RAD51B: variants seen among roughly 807,000 people sequenced by gnomAD.
The protein encoded by RAD51B is RAD51 paralog B.
Under a neutral mutation model 42.2 loss-of-function variants are expected in RAD51B, and 38 were observed. That is an observed-to-expected ratio of 0.90 (90% confidence interval 0.70 to 1.18). The LOEUF is 1.18. Ranked by LOEUF, RAD51B falls within the 50% of genes most tolerant of loss-of-function variation. The probability of loss-of-function intolerance (pLI) is 0.00; values close to 1 mark genes in which losing one functional copy is unlikely to be tolerated. For synonymous variants in RAD51B, 154 were observed against 145.2 expected (o/e 1.06, Z -0.43); for missense variants, 373 against 400.7 (o/e 0.93, Z 0.59).
chr14:68,260,151 C>A (rs1157430992), intron 7 of RAD51B, among the ~76,000 whole-genome samples: 2 of 151,898 alleles, frequency 1.3e-5, no homozygotes, highest in African/African-American at 4.8e-5. Flanking sequence ...TAGCTGAGAC[C>A]TAAGTCATGA....
chr14:68,319,364 T>G (rs567134525), intron 8 of RAD51B, among the ~76,000 whole-genome samples: 1 of 152,390 alleles, frequency 6.6e-6, no homozygotes, highest in East Asian at 1.9e-4. Context: ...TAAATTTAAC[T>G]GAGCCTTGTA....
intron 7 of RAD51B, among the ~76,000 whole-genome samples, chr14:67,917,689 G>A (rs1036592534): frequency 1.3e-5 from 2 of 152,160 alleles, no homozygotes; most frequent in Non-Finnish European, 2.9e-5. Flanking sequence ...GACGATTTGA[G>A]TATGTTATAT....
chr14:68,435,781 T>G (rs1016928102), intron 9 of RAD51B, among the ~76,000 whole-genome samples: 1 of 152,148 alleles, frequency 6.6e-6, no homozygotes, highest in African/African-American at 2.4e-5. Context: ...ATTAGTAATT[T>G]TGAGCATTTT....
intron 7 of RAD51B, among the ~76,000 whole-genome samples, chr14:67,940,996 G>T (rs570542268): frequency 2.8e-4 from 42 of 152,074 alleles, no homozygotes; most frequent in Admixed American, 5.2e-4. Context: ...TGTGGGGTTT[G>T]TTTTTTAAGC....
intron 7 of RAD51B, among the ~76,000 whole-genome samples, chr14:67,901,204 C>T (rs1427449769): frequency 6.6e-6 from 1 of 152,178 alleles, no homozygotes; most frequent in Non-Finnish European, 1.5e-5. Flanking sequence ...GGGGTTGACT[C>T]CATCTTAGTT....
chr14:67,833,022 G>A (rs2041105993), intron 3 of RAD51B, among the ~76,000 whole-genome samples: 1 of 152,282 alleles, frequency 6.6e-6, no homozygotes. Flanking sequence ...ACCAACAAAT[G>A]AAATCACCAG....
intron 10 of RAD51B, among the ~76,000 whole-genome samples, chr14:68,649,733 C>T (rs886490821): frequency 6.6e-5 from 10 of 152,274 alleles, no homozygotes; most frequent in African/African-American, 2.4e-4. Context: ...TCAGACAGGG[C>T]TGTATGGGGC....
At chr14:68,067,733 C>T (rs1022577005) in intron 7 of RAD51B, among the ~76,000 whole-genome samples, 3 of 151,148 alleles carry the variant, frequency 2.0e-5, no homozygotes, top group Middle Eastern at 3.4e-3. Context: ...AGTTTGAGAC[C>T]GTCATGGGCA....
At chr14:68,017,410 G>A (rs2075794302) in intron 7 of RAD51B, among the ~76,000 whole-genome samples, 1 of 151,940 alleles carries the variant, frequency 6.6e-6, no homozygotes, top group Admixed American at 6.6e-5. Flanking sequence ...TGCCTAGGGT[G>A]GTCTTGAACT....
intron 1 of RAD51B, 61 bp from the exon 2 acceptor site, chr14:67,823,481 T>C: frequency 4.2e-6 from 6 of 1,430,168 alleles, no homozygotes; most frequent in Non-Finnish European, 5.8e-6. Flanking sequence ...CTATTCACTA[T>C]CACTTATGTT....
intron 7 of RAD51B, among the ~76,000 whole-genome samples, chr14:67,930,728 T>C (rs189782793): frequency 1.3e-5 from 2 of 152,314 alleles, no homozygotes; most frequent in East Asian, 3.9e-4. Context: ...AATCTCTTGG[T>C]AGACTTGGGA....
intron 10 of RAD51B, among the ~76,000 whole-genome samples, chr14:68,501,737 G>T (rs1884933320): frequency 6.6e-6 from 1 of 152,278 alleles, no homozygotes; most frequent in African/African-American, 2.4e-5. Flanking sequence ...CACTTCTCAA[G>T]ATAGTGAATG....
At chr14:67,858,240 G>T (rs984502119) in intron 4 of RAD51B, among the ~76,000 whole-genome samples, 10 of 152,230 alleles carry the variant, frequency 6.6e-5, no homozygotes, top group African/African-American at 1.9e-4. Flanking sequence ...CCCGCACTTG[G>T]TGGGTCCCTG....
At chr14:68,164,381 T>C (rs952423940) in intron 7 of RAD51B, among the ~76,000 whole-genome samples, 1 of 152,210 alleles carries the variant, frequency 6.6e-6, no homozygotes, top group Admixed American at 6.5e-5. Context: ...TAATGGGAGC[T>C]GTGGGCTCAT....
chr14:68,620,226 C>T (rs1891917147), intron 10 of RAD51B, among the ~76,000 whole-genome samples: 1 of 152,134 alleles, frequency 6.6e-6, no homozygotes, highest in African/African-American at 2.4e-5. Context: ...CAGGCTTACC[C>T]AAGAACTAGG....
chr14:68,026,045 TTA>T (rs1362905568), intron 7 of RAD51B, among the ~76,000 whole-genome samples: 11 of 152,142 alleles, frequency 7.2e-5, no homozygotes, highest in Non-Finnish European at 1.6e-4. Context: ...TTTTTGGAAG[TTA>T]TGTTTCTATT....
intron 10 of RAD51B, among the ~76,000 whole-genome samples, chr14:68,620,733 C>T (rs1291201610): frequency 2.6e-5 from 4 of 152,158 alleles, no homozygotes; most frequent in Admixed American, 6.5e-5. Context: ...GTTTATTTTC[C>T]CTATATCCTT....
chr14:68,179,775 A>C (rs1166711413), intron 7 of RAD51B, among the ~76,000 whole-genome samples: 1 of 152,188 alleles, frequency 6.6e-6, no homozygotes, highest in African/African-American at 2.4e-5. Context: ...CTACCATAGA[A>C]AGCATGCATT....
At chr14:68,383,730 G>A (rs1281760085) in intron 8 of RAD51B, among the ~76,000 whole-genome samples, 1 of 152,088 alleles carries the variant, frequency 6.6e-6, no homozygotes, top group Non-Finnish European at 1.5e-5. Context: ...TCAGTGTTCA[G>A]GGTCTTCTTC....
Sources: allele counts gnomAD v4.1 joint callset (sites outside exome capture counted in the v4.1 genomes callset), GRCh38; gene constraint gnomAD v4.1.1; transcripts MANE v1.5; gene names NCBI Gene and HGNC (gene_info 2026-07-23, HGNC 2026-07-21).